MRPS2: variants seen among roughly 807,000 people sequenced by gnomAD.
The protein encoded by MRPS2 is mitochondrial ribosomal protein S2, also known as small ribosomal subunit protein uS2m.
Under a neutral mutation model 18.9 loss-of-function variants are expected in MRPS2, and 13 were observed. The observed-to-expected ratio is 0.69, with a 90% CI of 0.45 to 1.09. The LOEUF (loss-of-function observed/expected upper bound fraction) is 1.09. Among genes scored for constraint, MRPS2 ranks in the 50% least tolerant of loss-of-function variants. MRPS2 has a pLI of 0.00. For synonymous variants in MRPS2, 186 were observed against 178.4 expected (o/e 1.04, Z -0.34); for missense variants, 389 against 421.7 (o/e 0.92, Z 0.68).
chr9:135,500,557 C>T, upstream of MRPS2: 3 of 790,078 alleles, frequency 3.8e-6, no homozygotes, highest in South Asian at 7.5e-5. Context: ...CCTCGCGTGC[C>T]CCGCCCCCGC....
chr9:135,500,719 A>G lies in MRPS2; in HGVS notation c.9A>G (p.Thr3=). 6.8e-7 allele frequency: 1 copy of G among 1,480,046 alleles called. No individual in the cohort carries two copies. The highest frequency in any genetic ancestry group is 2.7e-5 in the East Asian group (1 of 37,610). The allele number at this position is 1,480,046 out of a possible 1,614,324, so 91.7% of individuals were successfully genotyped here. ...TGCCCCGCGTCCCAGCCATGGCGAC[A>G]TCCTCGGCCGCGCTGCCCCGAATAC... MA[T]SSAALPRILG... Residue 3 remains threonine, a synonymous_variant, in exon 1 of 4, where the codon ACA becomes ACG. Transcript: ENST00000241600.
intron 2 of MRPS2, 39 bp from the exon 3 acceptor site, chr9:135,501,805 C>G (rs2297008): frequency 7.5e-6 from 12 of 1,608,766 alleles, no homozygotes; most frequent in Non-Finnish European, 1.0e-5. Flanking sequence ...CTGCTGCCAC[C>G]GGTGGGAGAC....
chr9:135,502,382 G>A (rs1465317839), intron 3 of MRPS2: 1 of 620,492 alleles, frequency 1.6e-6, no homozygotes, highest in South Asian at 4.7e-5. Context: ...GGAGGGGCAG[G>A]TGGGAGGCCA....
rs1365076161 is a variant in MRPS2 at position 135,503,553 on chromosome 9, C to T, written c.311C>T (p.Pro104Leu). 44 of 1,612,918 alleles carry T rather than the reference C, an allele frequency of 2.7e-5. No homozygotes were observed. The highest frequency in any genetic ancestry group is 4.4e-5 in the South Asian group (4 of 91,006). Residue 104 changes from proline to leucine, a missense_variant, in exon 4 of 4, where the codon CCG becomes CTG. Physicochemically the swap from Pro to Leu is moderately conservative, Grantham distance 98 (BLOSUM62 -3). Coordinates refer to ENST00000241600, the MANE Select transcript of MRPS2 (RefSeq NM_016034.5). ...KAGCRHRFME[P>L]YIFGSRLDHD... The stretch of plus-strand genomic sequence containing the variant: ...GGGGTCTCTGGCAGGTTTATGGAGC[C>T]GTACATCTTTGGGAGCCGCCTGGAC...
At chr9:135,503,059 G>T in intron 3 of MRPS2, 8 of 975,914 alleles carry the variant, frequency 8.2e-6, no homozygotes, top group Non-Finnish European at 9.8e-6. Context: ...GGCCAGCAGT[G>T]GTCCAGTGCT....
rs542792710 is a variant in MRPS2 at position 135,502,088 on chromosome 9, C to T, written c.299+115C>T. The T allele has an allele frequency of 4.5e-5, 69 of 1,526,450 alleles. No homozygotes were observed. In the African/African-American group the frequency reaches 8.1e-4, roughly 18 times the overall value. 94.6% of individuals were successfully genotyped at this position (1,526,450 alleles called of 1,614,324 possible). A position where few individuals can be genotyped will look rare whatever the true frequency, so the allele number is the denominator to read the frequency against. On this transcript the variant is annotated intron_variant, in intron 3 of 3. Coordinates refer to ENST00000241600, the MANE Select transcript of MRPS2 (RefSeq NM_016034.5). ...TGTCAGTTTTAGGTGATTACAGCCC[C>T]ATCCTCCTCCACATGGGAATACAGA...
intron 1 of MRPS2, 99 bp downstream of exon 1, chr9:135,500,852 G>T: frequency 6.7e-7 from 1 of 1,502,078 alleles, no homozygotes; most frequent in Non-Finnish European, 8.9e-7. Context: ...AGGGGACCCG[G>T]GGCGAGCGCG....
At chr9:135,500,517 C>T, upstream of MRPS2, 1 of 525,098 alleles carries the variant, frequency 1.9e-6, no homozygotes, top group Non-Finnish European at 3.2e-6. Flanking sequence ...CCGCCCGAGA[C>T]TCTCAAGCCC....
chr9:135,501,455 G>T (rs897925855), intron 2 of MRPS2: 1 of 969,202 alleles, frequency 1.0e-6, no homozygotes, highest in Non-Finnish European at 1.4e-6. Context: ...CACTGGGCTT[G>T]GAGTCTGCCC....
At chr9:135,502,168 C>T in intron 3 of MRPS2, 195 bp downstream of exon 3, 1 of 1,390,170 alleles carries the variant, frequency 7.2e-7, no homozygotes, top group Non-Finnish European at 9.3e-7. Flanking sequence ...TCTTGTGTGC[C>T]TTGGTGTGGC....
upstream of MRPS2, chr9:135,500,636 G>A: frequency 7.2e-7 from 1 of 1,383,422 alleles, no homozygotes; most frequent in East Asian, 2.9e-5. Context: ...CTGCGGCCCC[G>A]CGCGGATGGC....
chr9:135,501,610 C>T, intron 2 of MRPS2: 3 of 1,321,352 alleles, frequency 2.3e-6, no homozygotes, highest in Non-Finnish European at 2.9e-6. Flanking sequence ...CGGGGTTGAC[C>T]AGGTTCGACC....
rs1831242448 is a variant in MRPS2 at position 135,504,399 on chromosome 9, A to G, written c.*266A>G. ...TGCAGTTAGGACCTCAGTGGCTGGT[A>G]TGGCCAAGCTGCTAGAAGATGCTGC... On this transcript the variant is annotated 3_prime_UTR_variant, in exon 4 of 4. Coordinates refer to ENST00000241600, the MANE Select transcript of MRPS2 (RefSeq NM_016034.5). This position sits in a 1 kb window ranked among gnomAD's most constrained non-coding sequence, Gnocchi z 4.3. The G allele has an allele frequency of 9.6e-6, 5 of 521,426 alleles. No individual in the cohort carries two copies. Among genetic ancestry groups the G allele is most frequent in the Non-Finnish European group, 1.7e-5 (5 of 294,730 alleles). 32.3% of individuals were successfully genotyped at this position (521,426 alleles called of 1,614,324 possible).
At chr9:135,500,371 G>A (rs1044421418), upstream of MRPS2, 2 of 378,242 alleles carry the variant, frequency 5.3e-6, no homozygotes, top group Non-Finnish European at 4.7e-6. Context: ...GCAGGACGTG[G>A]TTCACAGCTC....
In MRPS2 at chr9:135,504,101, C is replaced by A. The variant is rs760568735; in HGVS notation, c.859C>A (p.Pro287Thr). The A allele has an allele frequency of 8.7e-6, 14 of 1,610,314 alleles. No homozygotes were observed. In the South Asian group the frequency reaches 1.4e-4, roughly 16 times the overall value. Residue 287 changes from proline (P) to threonine (T), a missense_variant, in exon 4 of 4, where the codon CCT becomes ACT. Physicochemically the swap from Pro to Thr is conservative, Grantham distance 38. Transcript: ENST00000241600. This position sits in a 1 kb window ranked among gnomAD's most constrained non-coding sequence, Gnocchi z 4.3. ...KEPGDQGPAH[P>T]PGADMSHSL ...GCCCGGGGACCAGGGGCCAGCCCACCCTCCTGGGGCTGACATGAGCCATTC... is the reference window on the plus strand; with the variant it reads ...GCCCGGGGACCAGGGGCCAGCCCACACTCCTGGGGCTGACATGAGCCATTC...
rs1426772394 is a variant in MRPS2, at chr9:135,501,993, G to A, written c.299+20G>A. The A allele has an allele frequency of 3.1e-6, 5 of 1,612,890 alleles. No individual in the cohort carries two copies. Among genetic ancestry groups the A allele is most frequent in the Non-Finnish European group, 4.2e-6 (5 of 1,179,872 alleles). On this transcript the variant is annotated intron_variant, in intron 3 of 3. Transcript: ENST00000241600. ...GCACAGGTAGGTGACACCCCCATCT[G>A]AGCCCGGGGCGGTTCCCAGGAGGAA... is the stretch of plus-strand genomic sequence containing the variant.
chr9:135,504,189 C>G lies in MRPS2; in HGVS notation c.*56C>G. 7.0e-7 allele frequency: 1 copy of G among 1,436,990 alleles called. No individual in the cohort carries two copies. The highest frequency in any genetic ancestry group is 1.4e-5 in the South Asian group (1 of 73,098). The allele number at this position is 1,436,990 out of a possible 1,614,324, so 89.0% of individuals were successfully genotyped here. On this transcript the variant is annotated 3_prime_UTR_variant, in exon 4 of 4. Coordinates refer to ENST00000241600, the MANE Select transcript of MRPS2 (RefSeq NM_016034.5). The surrounding 1 kb of genome is among the most constrained non-coding windows in gnomAD (Gnocchi z 4.3). ...CCAAGCCTGTCTGAGCTGGGAGTCCCCTTCCCCAGCCCTGGGTCAGCGGCA... is the reference window on the plus strand; with the variant it reads ...CCAAGCCTGTCTGAGCTGGGAGTCCGCTTCCCCAGCCCTGGGTCAGCGGCA...
At chr9:135,503,195 A>G (rs1831191588) in intron 3 of MRPS2, 1 of 1,111,096 alleles carries the variant, frequency 9.0e-7, no homozygotes, top group Non-Finnish European at 1.1e-6. Flanking sequence ...GGAAGAGGAC[A>G]GTGACGGAGG....
rs1216643269 is a variant in MRPS2 at position 135,501,941 on chromosome 9, C to G, written c.267C>G (p.Val89=). 6.2e-7 allele frequency: 1 copy of G among 1,613,594 alleles called. No individual in the cohort carries two copies. Among genetic ancestry groups the G allele is most frequent in the Non-Finnish European group, 8.5e-7 (1 of 1,179,986 alleles). ...TGAGAAGCCTCTTCGATGCCCGAGT[C>G]CATCTGGGACACAAAGCTGGCTGTC... ...FSVRSLFDAR[V]HLGHKAGCRH... The change falls in exon 3 of 4, where the codon GTC becomes GTG. Residue 89 remains valine (V), a synonymous_variant. Transcript: ENST00000241600.
Sources: gnomAD v4.1 joint callset for allele counts on GRCh38, gnomAD v4.1.1 for gene constraint, Gnocchi (gnomAD v3.1) non-coding constraint, MANE v1.5 for transcripts, NCBI Gene and HGNC (gene_info 2026-07-23, HGNC 2026-07-21) for gene names.